The following HK1 variants were observed in gnomAD, a reference collection of about 807,000 sequenced individuals.
HK1 encodes hexokinase-1.
Under a neutral mutation model 91.6 loss-of-function variants are expected in HK1, and 28 were observed. The observed-to-expected ratio is 0.31, with a 90% CI of 0.23 to 0.42. HK1 has a LOEUF of 0.42. Ranked by LOEUF, HK1 falls within the 10% of genes least tolerant of loss-of-function variation. The pLI, the probability that HK1 is intolerant of heterozygous loss-of-function variation, is 1.00. For synonymous variants in HK1, 430 were observed against 468.1 expected, an observed-to-expected ratio of 0.92 and a Z score of 1.05; for missense variants, 770 against 1,219.8, an observed-to-expected ratio of 0.63 and a Z score of 5.49.
At chr10:69,370,389 C>A (rs994407470) in intron 7 of HK1, among the ~76,000 whole-genome samples, 3 of 151,932 alleles carry the variant, frequency 2.0e-5, no homozygotes, top group African/African-American at 4.8e-5. Context: ...ATGAATGGTT[C>A]AAAAATGCTT....
At chr10:69,310,988 C>T (rs1411227341), upstream of HK1, among the ~76,000 whole-genome samples, 8 of 150,722 alleles carry the variant, frequency 5.3e-5, no homozygotes, top group Non-Finnish European at 5.9e-5. Flanking sequence ...ACCTGGGAGG[C>T]GGAGGTTGCA....
intron 2 of HK1, among the ~76,000 whole-genome samples, chr10:69,287,587 G>A (rs958907510): frequency 6.6e-6 from 1 of 152,194 alleles, no homozygotes; most frequent in African/African-American, 2.4e-5. Context: ...TAGATTAGTG[G>A]TTGCCAGGGG....
Position 69,394,888 on chromosome 10 carries a change from G to A in HK1, c.2220-62G>A, listed in dbSNP as rs1177991407. 8.4e-6 allele frequency: 13 copies of A among 1,554,434 alleles called. No homozygotes were observed. In the African/African-American group the frequency reaches 9.5e-5, roughly 11 times the overall value. On this transcript the variant is annotated intron_variant, in intron 15 of 17. Transcript: ENST00000359426. ...GGAGACGCGGAGTGACCGTGAGACC[G>A]AGGGGTGACAGTTCTCCTGGCCACT...
At chr10:69,293,529 T>A (rs1485802733) in intron 3 of HK1, among the ~76,000 whole-genome samples, 1 of 152,248 alleles carries the variant, frequency 6.6e-6, no homozygotes, top group Non-Finnish European at 1.5e-5. Flanking sequence ...GTGTAATAAA[T>A]CACCTTAATA....
chr10:69,340,644 C>T (rs1210552970), intron 1 of HK1, among the ~76,000 whole-genome samples: 2 of 152,218 alleles, frequency 1.3e-5, no homozygotes, highest in Admixed American at 6.5e-5. Flanking sequence ...CCTCCTGCCT[C>T]GGCCTCCCAA....
In HK1 at chr10:69,384,479, G is replaced by A; in HGVS notation, c.1717G>A (p.Glu573Lys). Reference protein sequence around the residue: ...PIEIMQGTGEELFDHIVSCIS... With the variant: ...PIEIMQGTGEKLFDHIVSCIS... ...TGAAATCATGCAGGGCACTGGGGAA[G>A]AGGTGAGATTACAAAACCATAGTGC... Residue 573 changes from glutamate to lysine, a missense_variant and splice_region_variant, in exon 11 of 18, where the codon GAG becomes AAG. Physicochemically the swap from Glu to Lys is moderately conservative, Grantham distance 56. This residue lies in a region of HK1 where 48 missense variants were observed against 128.2 expected (regional missense o/e 0.37). Coordinates refer to ENST00000359426, the MANE Select transcript of HK1 (RefSeq NM_000188.3). The A allele has an allele frequency of 6.2e-7, 1 of 1,614,230 alleles. No individual in the cohort carries two copies.
At position 69,395,036 on chromosome 10, in the gene HK1, G is replaced by A; in HGVS notation, c.2306G>A (p.Arg769Gln). 1 of 1,613,998 alleles carries A rather than the reference G, an allele frequency of 6.2e-7. No individual in the cohort carries two copies. Among genetic ancestry groups the A allele is most frequent in the East Asian group, 2.2e-5 (1 of 44,872 alleles). The change falls in exon 16 of 18, where the codon CGA becomes CAA. Residue 769 changes from arginine to glutamine, a missense_variant. By Grantham distance (43) the Arg-to-Gln change is conservative (BLOSUM62 1). This residue lies in a region of HK1 where 25 missense variants were observed against 74.1 expected (regional missense o/e 0.34). Coordinates refer to ENST00000359426, the MANE Select transcript of HK1 (RefSeq NM_000188.3). The part of the protein sequence containing the change: ...IDFTKKGFLF[R>Q]GQISETLKTR... ...TTCACCAAGAAGGGATTCCTCTTCC[G>A]AGGGCAGATCTCTGAGACGCTGAAG...
intron 1 of HK1, among the ~76,000 whole-genome samples, chr10:69,319,342 C>T (rs1197900707): frequency 2.6e-5 from 4 of 152,118 alleles, no homozygotes. Flanking sequence ...AGGGCCTGTT[C>T]GGGAGGGTCC....
At chr10:69,312,409 G>A (rs115358519), upstream of HK1, among the ~76,000 whole-genome samples, 4 of 152,040 alleles carry the variant, frequency 2.6e-5, no homozygotes, top group African/African-American at 7.2e-5. Flanking sequence ...GCTAATGTTC[G>A]TGGTTTTAGG....
chr10:69,396,756 G>A (rs547560774), intron 16 of HK1, among the ~76,000 whole-genome samples: 265 of 152,068 alleles, frequency 1.7e-3, no homozygotes, highest in African/African-American at 5.8e-3. Flanking sequence ...AACTTGGCTC[G>A]CCATAACCTC....
intron 5 of HK1, among the ~76,000 whole-genome samples, chr10:69,368,900 C>T (rs183107791): frequency 9.2e-5 from 14 of 152,284 alleles, no homozygotes; most frequent in Middle Eastern, 3.4e-3. Context: ...GTGGGTGTCA[C>T]GGATGCAGCC....
chr10:69,356,533 T>A (rs145227646), intron 2 of HK1, among the ~76,000 whole-genome samples: 174 of 152,330 alleles, frequency 1.1e-3, no homozygotes, highest in African/African-American at 3.9e-3. Flanking sequence ...GCCAGTCATA[T>A]GTCTGATAAA....
chr10:69,329,427 CTGGGATT>C (rs1423555239), intron 1 of HK1, among the ~76,000 whole-genome samples: 3 of 152,160 alleles, frequency 2.0e-5, no homozygotes, highest in Non-Finnish European at 2.9e-5. Context: ...TCCCAAAGTG[CTGGGATT>C]ACAGGCGTGA....
In HK1 at chr10:69,349,470, A is replaced by C. The variant is rs552842267; in HGVS notation, c.226+5481A>C. Among the ~76,000 whole-genome samples, 16 of 152,346 alleles carry C rather than the reference A, an allele frequency of 1.1e-4. No homozygotes were observed. In the South Asian group the frequency reaches 3.3e-3, roughly 32 times the overall value. The stretch of plus-strand genomic sequence containing the variant: ...TTCCTTGGGAAAGTCTTTCCTAACC[A>C]ATGGAGCCAGTCCAAGGACCGCACC... On this transcript the variant is annotated intron_variant, in intron 2 of 17. Transcript: ENST00000359426.
At chr10:69,354,765 T>C (rs2132733295) in intron 2 of HK1, among the ~76,000 whole-genome samples, 1 of 152,222 alleles carries the variant, frequency 6.6e-6, no homozygotes, top group Middle Eastern at 3.4e-3. Flanking sequence ...CTCAAGGAAC[T>C]TGAGAACGAA....
At chr10:69,283,031 C>G (rs1844829903) in intron 2 of HK1, among the ~76,000 whole-genome samples, 1 of 143,712 alleles carries the variant, frequency 7.0e-6, no homozygotes, top group African/African-American at 2.6e-5. Flanking sequence ...GAGGCTGAGG[C>G]AGGAGAATCG....
intron 4 of HK1, among the ~76,000 whole-genome samples, chr10:69,299,113 T>A (rs922711028): frequency 6.6e-6 from 1 of 151,132 alleles, no homozygotes; most frequent in Admixed American, 6.6e-5. Flanking sequence ...CCTATGTTTT[T>A]ATTTTTTTTA....
At chr10:69,398,151 A>G (rs1330678442) in intron 16 of HK1, among the ~76,000 whole-genome samples, 2 of 152,126 alleles carry the variant, frequency 1.3e-5, no homozygotes, top group African/African-American at 2.4e-5. Flanking sequence ...AATTAACTTG[A>G]ATTTCTCCAA....
rs369549284 is a variant in HK1 at position 69,382,631 on chromosome 10, A to C, written c.1410A>C (p.Ile470=). The change falls in exon 10 of 18, where the codon ATA becomes ATC. Residue 470 remains isoleucine (I), a synonymous_variant. Coordinates refer to ENST00000359426, the MANE Select transcript of HK1 (RefSeq NM_000188.3). ...AYRLAEQHRQ[I]EETLAHFHLT... is the part of the protein sequence containing the mutation. ...GCTTGGCCGAGCAGCACCGGCAGATAGAGGAGACCCTGGCTCATTTCCACC... is the reference window on the plus strand; with the variant it reads ...GCTTGGCCGAGCAGCACCGGCAGATCGAGGAGACCCTGGCTCATTTCCACC... 16 of 1,614,094 alleles carry C rather than the reference A, an allele frequency of 9.9e-6. No individual in the cohort carries two copies. Among genetic ancestry groups the C allele is most frequent in the Non-Finnish European group, 1.3e-5 (15 of 1,180,036 alleles).
Sources: allele counts gnomAD v4.1 joint callset (sites outside exome capture counted in the v4.1 genomes callset), GRCh38; gene constraint gnomAD v4.1.1; regional missense constraint gnomAD v4.1.1; transcripts MANE v1.5; gene names NCBI Gene and HGNC (gene_info 2026-07-23, HGNC 2026-07-21).